Variants in CHD7 observed in about 807,000 individuals in gnomAD.
CHD7 encodes ATP-dependent chromatin remodeler CHD7.
In CHD7, 24 loss-of-function variants were observed where a neutral mutation model predicts 307.3. That is an observed-to-expected ratio of 0.08 (90% CI 0.06 to 0.11). The LOEUF is 0.11. Among genes scored for constraint, CHD7 ranks in the 10% least tolerant of loss-of-function variants. The pLI, the probability that CHD7 is intolerant of heterozygous loss-of-function variation, is 1.00. For missense variants in CHD7, 3,106 were observed against 3,727.1 expected (o/e 0.83, Z 4.34); for synonymous variants, 1,363 against 1,349.9 (o/e 1.01, Z -0.21).
At chr8:60,755,733 G>A (rs149937392) in intron 2 of CHD7, among the ~76,000 whole-genome samples, 139 of 152,116 alleles carry the variant, frequency 9.1e-4, no homozygotes, top group African/African-American at 3.3e-3. Context: ...TTATACTATA[G>A]AGTGGTTGCA....
Position 60,749,054 on chromosome 8 carries a change from G to C in CHD7, c.1665+5957G>C, listed in dbSNP as rs1809489803. 2.0e-5 allele frequency among the ~76,000 whole-genome samples: 3 copies of C among 151,340 alleles called. No individual in the cohort carries two copies. In the South Asian group the frequency reaches 6.3e-4, roughly 32 times the overall value. On this transcript the variant is annotated intron_variant, in intron 2 of 37. Coordinates refer to ENST00000423902, the MANE Select transcript of CHD7 (RefSeq NM_017780.4). The stretch of plus-strand genomic sequence containing the variant: ...TCAAGTAGCATCAATCTTATACTGA[G>C]ATTCTTTAAGTTTACCCAGTAAATA...
At chr8:60,710,205 T>TGC (rs1156868672) in intron 1 of CHD7, among the ~76,000 whole-genome samples, 32 of 151,606 alleles carry the variant, frequency 2.1e-4, no homozygotes, top group African/African-American at 7.7e-4. Context: ...TAGTTGATCA[T>TGC]AATTCTTGTG....
chr8:60,768,236 G>A (rs145372770), intron 2 of CHD7, among the ~76,000 whole-genome samples: 2 of 152,160 alleles, frequency 1.3e-5, no homozygotes, highest in East Asian at 3.9e-4. Flanking sequence ...TATTGAAGCA[G>A]GACCAGAGCA....
At chr8:60,739,683 G>A (rs1808893996) in intron 1 of CHD7, among the ~76,000 whole-genome samples, 1 of 152,198 alleles carries the variant, frequency 6.6e-6, no homozygotes, top group South Asian at 2.1e-4. Context: ...TTCTGACAGT[G>A]AACAGGAATG....
At chr8:60,739,319 A>C (rs1808872679) in intron 1 of CHD7, among the ~76,000 whole-genome samples, 1 of 152,228 alleles carries the variant, frequency 6.6e-6, no homozygotes, top group South Asian at 2.1e-4. Context: ...AGCTATTATC[A>C]AGTCCATTCC....
intron 1 of CHD7, among the ~76,000 whole-genome samples, chr8:60,738,944 G>A (rs1275747153): frequency 6.6e-6 from 1 of 152,148 alleles, no homozygotes; most frequent in Admixed American, 6.5e-5. Context: ...GTACTCTCAG[G>A]CAGGGCTGTT....
At chr8:60,795,840 C>T (rs1229464945) in intron 4 of CHD7, among the ~76,000 whole-genome samples, 2 of 152,134 alleles carry the variant, frequency 1.3e-5, no homozygotes, top group East Asian at 3.8e-4. Flanking sequence ...TGGAAGCATG[C>T]CAGTGTGGTC....
At chr8:60,729,067 A>G (rs1299014069) in intron 1 of CHD7, among the ~76,000 whole-genome samples, 4 of 152,242 alleles carry the variant, frequency 2.6e-5, no homozygotes, top group South Asian at 4.1e-4. Context: ...AAGCTACTAA[A>G]TAACCAGTTT....
intron 2 of CHD7, among the ~76,000 whole-genome samples, chr8:60,746,907 T>C (rs1052121870): frequency 6.6e-6 from 1 of 152,222 alleles, no homozygotes; most frequent in Admixed American, 6.5e-5. Context: ...TATATTTCTT[T>C]TTCAATAGCT....
At chr8:60,843,264 T>A (rs1477786953) in intron 21 of CHD7, among the ~76,000 whole-genome samples, 1 of 152,168 alleles carries the variant, frequency 6.6e-6, no homozygotes, top group Non-Finnish European at 1.5e-5. Flanking sequence ...CTCTTGTCTC[T>A]TCTTACATGG....
intron 1 of CHD7, among the ~76,000 whole-genome samples, chr8:60,688,346 G>A (rs968764238): frequency 6.6e-6 from 1 of 152,114 alleles, no homozygotes; most frequent in Non-Finnish European, 1.5e-5. Flanking sequence ...TTCATTGAGT[G>A]GTTACTATTT....
Position 60,830,479 on chromosome 8 carries a change from C to T in CHD7, c.3680C>T (p.Thr1227Ile). ...CGAGCCATCCTTGAGAAGAATTTCA[C>T]ATTTCTTTCCAAAGGCGGTGGTCAA... Reference protein sequence around the residue: ...YYRAILEKNFTFLSKGGGQAN... With the variant: ...YYRAILEKNFIFLSKGGGQAN... Residue 1227 changes from threonine (T) to isoleucine (I), a missense_variant, in exon 15 of 38, where the codon ACA becomes ATA. By Grantham distance (89) the Thr-to-Ile change is moderately conservative (BLOSUM62 -1). Around this residue, in one of 10 missense-constraint regions of CHD7, gnomAD observed 232 missense variants for 422.5 expected, o/e 0.55. Coordinates refer to ENST00000423902, the MANE Select transcript of CHD7 (RefSeq NM_017780.4). 6.2e-7 allele frequency: 1 copy of T among 1,613,980 alleles called. No individual in the cohort carries two copies. The highest frequency in any genetic ancestry group is 8.5e-7 in the Non-Finnish European group (1 of 1,179,870).
rs58405811 is a variant in CHD7, at chr8:60,816,113, G to GTCTGTCTGTCTGTCTCTCTCTC, written c.2499-271_2499-270insGTCTGTCTGTCTCTCTCTCTCT. Reference sequence around the variant, plus strand: ...GTCTCTTTTGTCTGTCTGTCTGTCTGTCTCTCTCTCTCTCTCTCTCTCTCT... The same window carrying GTCTGTCTGTCTGTCTCTCTCTC: ...GTCTCTTTTGTCTGTCTGTCTGTCTGTCTGTCTGTCTGTCTCTCTCTCTCTCTCTCTCTCTCTCTCTCTCTCT... On this transcript the variant is annotated intron_variant, in intron 7 of 37. Coordinates refer to ENST00000423902, the MANE Select transcript of CHD7 (RefSeq NM_017780.4). Among the ~76,000 whole-genome samples, 113 of 139,314 alleles carry GTCTGTCTGTCTGTCTCTCTCTC rather than the reference G, an allele frequency of 8.1e-4. 2 individuals carry two copies. The highest frequency in any genetic ancestry group is 3.0e-3 in the African/African-American group (105 of 34,998). 91.4% of individuals were successfully genotyped at this position (139,314 alleles called of 152,430 possible). A position where few individuals can be genotyped will look rare whatever the true frequency, so the allele number is the denominator to read the frequency against.
At chr8:60,721,019 T>C (rs1173428774) in intron 1 of CHD7, among the ~76,000 whole-genome samples, 2 of 152,180 alleles carry the variant, frequency 1.3e-5, no homozygotes, top group Admixed American at 6.5e-5. Flanking sequence ...CACTTTTCTC[T>C]TTGTCATTCC....
chr8:60,841,335 T>G (rs1298109247), intron 19 of CHD7, among the ~76,000 whole-genome samples: 2 of 152,214 alleles, frequency 1.3e-5, no homozygotes, highest in Non-Finnish European at 2.9e-5. Flanking sequence ...GGAAGAGACT[T>G]TTCTTTTCGG....
rs371965088 is a variant in CHD7 at position 60,818,661 on chromosome 8, T to A, written c.2614-1346T>A. Reference sequence around the variant, plus strand: ...GACATATGTTTGTGTTTCTGCTTTTTGTTTCATAATTCATGGTTCAAAGCT... The same window carrying A: ...GACATATGTTTGTGTTTCTGCTTTTAGTTTCATAATTCATGGTTCAAAGCT... On this transcript the variant is annotated intron_variant, in intron 8 of 37. Coordinates refer to ENST00000423902, the MANE Select transcript of CHD7 (RefSeq NM_017780.4). Among the ~76,000 whole-genome samples the A allele has an allele frequency of 4.6e-5, 7 of 152,354 alleles. No homozygotes were observed. In the East Asian group the frequency reaches 1.2e-3, roughly 25 times the overall value.
rs1317598292 is a variant in CHD7, at chr8:60,741,843, C to T, written c.411C>T (p.Ser137=). 6 of 1,613,776 alleles carry T rather than the reference C, an allele frequency of 3.7e-6. No homozygotes were observed. Among genetic ancestry groups the T allele is most frequent in the Non-Finnish European group, 5.1e-6 (6 of 1,179,874 alleles). The change falls in exon 2 of 38, where the codon TCC becomes TCT. Residue 137 remains serine (S), a synonymous_variant. Coordinates refer to ENST00000423902, the MANE Select transcript of CHD7 (RefSeq NM_017780.4). The part of the protein sequence containing the change: ...PGMQNERHGQ[S]FVDSSSMWGP... ...TGCAGAATGAGAGGCATGGGCAATC[C>T]TTTGTGGACAGCAGCTCCATGTGGG...
At position 60,852,609 on chromosome 8, in the gene CHD7, G is replaced by T; in HGVS notation, c.6006G>T (p.Arg2002Ser). 1 of 1,613,898 alleles carries T rather than the reference G, an allele frequency of 6.2e-7. No individual in the cohort carries two copies. The highest frequency in any genetic ancestry group is 8.5e-7 in the Non-Finnish European group (1 of 1,179,886). Residue 2002 changes from arginine (R) to serine (S), a missense_variant, in exon 30 of 38, where the codon AGG (arginine) becomes AGT (serine). By Grantham distance (110) the Arg-to-Ser change is moderately radical. Coordinates refer to ENST00000423902, the MANE Select transcript of CHD7 (RefSeq NM_017780.4). ...GGAACCAATTTAGAGCCTTTGCCAGGCTTGACAAAAAATCTGATGAGAGTT... is the reference window on the plus strand; with the variant it reads ...GGAACCAATTTAGAGCCTTTGCCAGTCTTGACAAAAAATCTGATGAGAGTT... Reference protein sequence around the residue: ...FDWNQFRAFARLDKKSDESLE... With the variant: ...FDWNQFRAFASLDKKSDESLE...
At chr8:60,782,055 C>T (rs562185259) in intron 3 of CHD7, among the ~76,000 whole-genome samples, 1 of 152,266 alleles carries the variant, frequency 6.6e-6, no homozygotes, top group East Asian at 1.9e-4. Flanking sequence ...AATTTCTTAC[C>T]CCATTTATTC....
Sources: gnomAD v4.1 joint callset for allele counts (sites outside exome capture counted in the v4.1 genomes callset) on GRCh38, gnomAD v4.1.1 for gene constraint, gnomAD v4.1.1 regional missense constraint, MANE v1.5 for transcripts, NCBI Gene and HGNC (gene_info 2026-07-23, HGNC 2026-07-21) for gene names.